The following USP7 variants were observed in gnomAD, a reference collection of about 807,000 sequenced individuals.
The protein encoded by USP7 is ubiquitin C-terminal hydrolase 7.
A neutral mutation model predicts 162.9 loss-of-function variants in USP7; 9 were observed. That is an observed-to-expected ratio of 0.06 (90% CI 0.03 to 0.10). The LOEUF is 0.10. Ranked by LOEUF, USP7 falls within the 10% of genes least tolerant of loss-of-function variation. The probability of loss-of-function intolerance (pLI) is 1.00; values close to 1 mark genes in which losing one functional copy is unlikely to be tolerated. For synonymous variants in USP7, 562 were observed against 475.9 expected (o/e 1.18, Z -2.35); for missense variants, 715 against 1,373.7 (o/e 0.52, Z 7.58).
intron 7 of USP7, 115 bp downstream of exon 7, chr16:8,916,911 C>A (rs948004341): frequency 1.6e-6 from 2 of 1,240,232 alleles, no homozygotes; most frequent in Non-Finnish European, 2.2e-6. Flanking sequence ...TCAAGCCTCC[C>A]TAAATTAAGT....
At chr16:8,918,831 G>A (rs930166446) in intron 6 of USP7, among the ~76,000 whole-genome samples, 200 bp downstream of exon 6, 1 of 152,104 alleles carries the variant, frequency 6.6e-6, no homozygotes, top group South Asian at 2.1e-4. Flanking sequence ...GGTTGGCGGT[G>A]GTAACTCTGA....
In USP7 at chr16:8,901,067, A is replaced by G; in HGVS notation, c.2141-10T>C. On this transcript the variant is annotated splice_polypyrimidine_tract_variant and intron_variant, in intron 19 of 30. Coordinates refer to ENST00000344836, the MANE Select transcript of USP7 (RefSeq NM_003470.3). ...ACTGGGAGCAAGTCACCTAGGAGAA[A>G]GAAGATATTTTAAATGTGTAGCTGT... 2 of 1,614,142 alleles carry G rather than the reference A, an allele frequency of 1.2e-6. No homozygotes were observed. The highest frequency in any genetic ancestry group is 8.5e-7 in the Non-Finnish European group (1 of 1,179,970).
intron 18 of USP7, among the ~76,000 whole-genome samples, chr16:8,901,760 AT>A (rs1324526849): frequency 3.9e-5 from 6 of 152,112 alleles, no homozygotes; most frequent in African/African-American, 1.4e-4. Flanking sequence ...CGCCTGAGAT[AT>A]TGCCTATGTG....
At chr16:8,897,955 G>A (rs2061715691) in intron 25 of USP7, among the ~76,000 whole-genome samples, 1 of 151,566 alleles carries the variant, frequency 6.6e-6, no homozygotes, top group South Asian at 2.1e-4. Context: ...GCAAGCAGGT[G>A]ACACTGGAGC....
chr16:8,946,127 C>G (rs973754679), intron 1 of USP7, among the ~76,000 whole-genome samples: 3 of 152,290 alleles, frequency 2.0e-5, no homozygotes, highest in African/African-American at 7.2e-5. Context: ...CCCCACAAGA[C>G]TCTCAACCTA....
chr16:8,901,349 T>C, intron 18 of USP7, 115 bp from the exon 19 acceptor site: 2 of 703,370 alleles, frequency 2.8e-6, no homozygotes, highest in South Asian at 3.6e-5. Flanking sequence ...GCTGAATAGC[T>C]CAATGACAAG....
intron 10 of USP7, among the ~76,000 whole-genome samples, chr16:8,912,184 G>C (rs1196897139): frequency 6.6e-6 from 1 of 152,208 alleles, no homozygotes; most frequent in Non-Finnish European, 1.5e-5. Flanking sequence ...TGGCTCAGTG[G>C]CTCACGCCTG....
At chr16:8,921,091 CA>C in intron 4 of USP7, 65 bp downstream of exon 4, 2 of 1,518,914 alleles carry the variant, frequency 1.3e-6, no homozygotes, top group Non-Finnish European at 1.8e-6. Context: ...CTTGAAAAAT[CA>C]AAAAGTTAAG....
chr16:8,929,661 C>A (rs780286239), intron 2 of USP7: 1 of 445,182 alleles, frequency 2.2e-6, no homozygotes, highest in South Asian at 1.6e-5. Context: ...GCTCCCTACT[C>A]ACAAGTGTGA....
intron 1 of USP7, chr16:8,962,623 A>G: frequency 3.3e-6 from 1 of 298,986 alleles, no homozygotes; most frequent in Middle Eastern, 6.9e-4. Flanking sequence ...GGAAACCAAC[A>G]GCGCCCGGGT....
chr16:8,931,227 C>T (rs1277281593), intron 1 of USP7, among the ~76,000 whole-genome samples: 2 of 150,708 alleles, frequency 1.3e-5, no homozygotes, highest in Non-Finnish European at 1.5e-5. Context: ...CTCGCTCTGT[C>T]CCCCAGCCTG....
chr16:8,919,719 G>A (rs562685681), intron 5 of USP7, among the ~76,000 whole-genome samples: 20 of 132,134 alleles, frequency 1.5e-4, no homozygotes, highest in African/African-American at 5.6e-4. Context: ...CACAGAGAAC[G>A]GTGCCAGAAA....
rs148541392 is a variant in USP7, at chr16:8,899,628, T to C, written c.2439A>G (p.Leu813=). The C allele has an allele frequency of 6.2e-6, 10 of 1,614,092 alleles. No individual in the cohort carries two copies. The highest frequency in any genetic ancestry group is 8.5e-6 in the Non-Finnish European group (10 of 1,180,028). The part of the protein sequence containing the change: ...IPNDPGFVVT[L]SNRMNYFQVA... Reference sequence around the variant, plus strand: ...CCTGAAAATAATTCATTCTATTTGATAACGTAACCACAAATCCAGGATCAT... The same window carrying C: ...CCTGAAAATAATTCATTCTATTTGACAACGTAACCACAAATCCAGGATCAT... Residue 813 remains leucine (L), a synonymous_variant, in exon 22 of 31, where the codon TTA becomes TTG. Coordinates refer to ENST00000344836, the MANE Select transcript of USP7 (RefSeq NM_003470.3).
At chr16:8,950,211 C>T (rs1235907960) in intron 1 of USP7, among the ~76,000 whole-genome samples, 6 of 152,058 alleles carry the variant, frequency 3.9e-5, no homozygotes, top group Non-Finnish European at 5.9e-5. Context: ...CTAGTGGCTG[C>T]CACAGTGGAC....
intron 1 of USP7, among the ~76,000 whole-genome samples, chr16:8,944,560 CAT>C (rs1899193326): frequency 6.6e-6 from 1 of 152,152 alleles, no homozygotes; most frequent in Admixed American, 6.5e-5. Flanking sequence ...AATAGTCAAA[CAT>C]AACCAACTTC....
intron 16 of USP7, 142 bp downstream of exon 16, chr16:8,903,126 G>T (rs2061803919): frequency 6.1e-6 from 7 of 1,144,340 alleles, no homozygotes; most frequent in Admixed American, 2.6e-5. Flanking sequence ...GGCAGGAAAT[G>T]TTCCTGGGTC....
intron 1 of USP7, among the ~76,000 whole-genome samples, chr16:8,961,438 C>T (rs1388483296): frequency 6.9e-6 from 1 of 145,214 alleles, no homozygotes; most frequent in Non-Finnish European, 1.5e-5. Context: ...GTTGTAGTGA[C>T]CCGAGATCGC....
intron 30 of USP7, 21 bp downstream of exon 30, chr16:8,894,529 C>CCG: frequency 6.7e-7 from 1 of 1,487,770 alleles, no homozygotes; most frequent in Non-Finnish European, 9.2e-7. Flanking sequence ...CACCAGCCCC[C>CCG]GGGGGGGGGA....
chr16:8,925,505 AGT>A (rs1431419244), intron 2 of USP7, among the ~76,000 whole-genome samples: 3 of 152,198 alleles, frequency 2.0e-5, no homozygotes, highest in Non-Finnish European at 4.4e-5. Context: ...ACATATTGTA[AGT>A]GCTTTTGGAA....
Sources: gnomAD v4.1 joint callset for allele counts (sites outside exome capture counted in the v4.1 genomes callset) on GRCh38, gnomAD v4.1.1 for gene constraint, MANE v1.5 for transcripts, NCBI Gene and HGNC (gene_info 2026-07-23, HGNC 2026-07-21) for gene names.